BMPER: variants seen among roughly 807,000 people sequenced by gnomAD.
BMPER encodes the protein BMP-binding endothelial regulator protein.
BMPER carries 45 observed loss-of-function variants against 87.3 expected under a neutral mutation model. The ratio of observed to expected loss-of-function variants is 0.52; its 90% CI spans 0.41 to 0.66. The LOEUF (loss-of-function observed/expected upper bound fraction) is 0.66, where lower values mean the gene tolerates loss of function less well. BMPER is among the 30% of genes least tolerant of loss of function. The pLI is 0.00. For synonymous variants in BMPER, 326 were observed against 316.2 expected, an observed-to-expected ratio of 1.03 and a Z score of -0.33; for missense variants, 784 against 867.5, an observed-to-expected ratio of 0.90 and a Z score of 1.21.
At chr7:34,131,233 G>A (rs1485059113) in intron 13 of BMPER, among the ~76,000 whole-genome samples, 4 of 151,992 alleles carry the variant, frequency 2.6e-5, no homozygotes, top group Non-Finnish European at 5.9e-5. Context: ...GGTGGGGGTG[G>A]GCCTCTTGGG....
chr7:34,075,099 G>A (rs372015606), intron 11 of BMPER, among the ~76,000 whole-genome samples: 2 of 152,110 alleles, frequency 1.3e-5, no homozygotes, highest in East Asian at 3.9e-4. Context: ...CAGAAGAAAG[G>A]CATTTCATTA....
In BMPER at chr7:33,914,502, G is replaced by A. The variant is rs559746061; in HGVS notation, c.219+7599G>A. ...AAGAGACGGGGTCATGTGGGTGGGT[G>A]GGTAGTAATCAGTTTACATGTAATG... On this transcript the variant is annotated intron_variant, in intron 2 of 14. Coordinates refer to ENST00000649409, the MANE Select transcript of BMPER (RefSeq NM_001365308.1). 1.1e-4 allele frequency among the ~76,000 whole-genome samples: 17 copies of A among 152,268 alleles called. No homozygotes were observed. The South Asian group carries it at 2.7e-3, about 24-fold the overall frequency.
chr7:33,965,383 A>G (rs1785381398), intron 3 of BMPER, among the ~76,000 whole-genome samples: 3 of 151,932 alleles, frequency 2.0e-5, no homozygotes, highest in African/African-American at 7.3e-5. Context: ...GCTTGAATGT[A>G]TTAACAGGGA....
At chr7:33,986,702 ATG>A (rs368534925) in intron 6 of BMPER, among the ~76,000 whole-genome samples, 10 of 152,298 alleles carry the variant, frequency 6.6e-5, no homozygotes, top group Non-Finnish European at 1.3e-4. Context: ...AAGTCTAAGA[ATG>A]TATCATTCTG....
intron 6 of BMPER, among the ~76,000 whole-genome samples, chr7:34,029,316 G>A (rs1562698251): frequency 6.6e-6 from 1 of 152,096 alleles, no homozygotes; most frequent in Non-Finnish European, 1.5e-5. Context: ...AATGTGTTTT[G>A]TTGATATTAT....
intron 6 of BMPER, among the ~76,000 whole-genome samples, chr7:33,989,712 A>T (rs62449721): frequency 6.6e-6 from 1 of 152,230 alleles, no homozygotes; most frequent in Non-Finnish European, 1.5e-5. Context: ...CTGAATGGTA[A>T]TGCCTAGGTT....
intron 6 of BMPER, among the ~76,000 whole-genome samples, chr7:33,985,873 C>T (rs1222046616): frequency 6.6e-6 from 1 of 152,048 alleles, no homozygotes; most frequent in Non-Finnish European, 1.5e-5. Flanking sequence ...ACTGAAACTG[C>T]TTTGTGTGCC....
At chr7:34,140,765 A>T (rs966977586) in intron 13 of BMPER, among the ~76,000 whole-genome samples, 5 of 152,262 alleles carry the variant, frequency 3.3e-5, no homozygotes, top group Admixed American at 6.5e-5. Flanking sequence ...CCTTACCCGA[A>T]CAAATTACAT....
At chr7:33,984,713 A>C (rs79758214) in intron 6 of BMPER, among the ~76,000 whole-genome samples, 1 of 152,188 alleles carries the variant, frequency 6.6e-6, no homozygotes, top group Non-Finnish European at 1.5e-5. Context: ...ATTTGAGTGA[A>C]ATTTGGAATA....
chr7:34,017,290 C>T (rs937560587), intron 6 of BMPER, among the ~76,000 whole-genome samples: 2 of 151,638 alleles, frequency 1.3e-5, no homozygotes, highest in South Asian at 2.1e-4. Flanking sequence ...AAGACACACC[C>T]GAGACTGGGT....
chr7:34,018,736 G>C (rs1469723226), intron 6 of BMPER, among the ~76,000 whole-genome samples: 2 of 151,844 alleles, frequency 1.3e-5, no homozygotes, highest in Admixed American at 6.6e-5. Flanking sequence ...TGTTACAGTG[G>C]AATTTTGCCT....
Position 33,974,714 on chromosome 7 carries a change from A to T in BMPER, c.506A>T (p.Glu169Val), listed in dbSNP as rs1222966146. Residue 169 changes from glutamate (E) to valine (V), a missense_variant, in exon 6 of 15, where the codon GAG becomes GTG. Coordinates refer to ENST00000649409, the MANE Select transcript of BMPER (RefSeq NM_001365308.1). The stretch of plus-strand genomic sequence containing the variant: ...GTCTGCTTTCCAGGCTGTGTGTTTG[A>T]GGGTGTGCAGTATCAAGAAGGGGAG... ...CCPTCPGCVF[E>V]GVQYQEGEEF... 1 of 1,613,974 alleles carries T rather than the reference A, an allele frequency of 6.2e-7. No individual in the cohort carries two copies. The highest frequency in any genetic ancestry group is 8.5e-7 in the Non-Finnish European group (1 of 1,179,964).
intron 11 of BMPER, among the ~76,000 whole-genome samples, chr7:34,070,445 T>C (rs1788707783): frequency 6.6e-6 from 1 of 152,182 alleles, no homozygotes; most frequent in South Asian, 2.1e-4. Flanking sequence ...AAATAAATAC[T>C]TTCCTTGCCA....
chr7:34,129,666 A>AAGAAAGAAAGAAAGAC (rs1562762290), intron 13 of BMPER, among the ~76,000 whole-genome samples: 98 of 151,128 alleles, frequency 6.5e-4, no homozygotes, highest in African/African-American at 2.2e-3. Flanking sequence ...GAAAGAAAGA[A>AAGAAAGAAAGAAAGAC]AGAAAGAAAG....
At chr7:34,073,328 C>G (rs142904612) in intron 11 of BMPER, among the ~76,000 whole-genome samples, 1 of 152,172 alleles carries the variant, frequency 6.6e-6, no homozygotes, top group African/African-American at 2.4e-5. Context: ...ATACACAAAC[C>G]TAGGCTAAAT....
chr7:33,935,602 G>C, intron 2 of BMPER, among the ~76,000 whole-genome samples: 1 of 151,730 alleles, frequency 6.6e-6, no homozygotes, highest in Non-Finnish European at 1.5e-5. Context: ...GACAGAGAGA[G>C]AGAGAGAGAG....
At chr7:34,113,618 G>A (rs1379239870) in intron 13 of BMPER, among the ~76,000 whole-genome samples, 1 of 93,746 alleles carries the variant, frequency 1.1e-5, no homozygotes, top group Non-Finnish European at 2.3e-5. Flanking sequence ...AAAACTTTGG[G>A]CTTAATAATA....
chr7:33,962,890 T>C (rs1785307824), intron 3 of BMPER, among the ~76,000 whole-genome samples: 1 of 152,232 alleles, frequency 6.6e-6, no homozygotes, highest in Admixed American at 6.5e-5. Flanking sequence ...TCACTTACTC[T>C]TTTATTTAAT....
At chr7:34,057,974 T>G in intron 9 of BMPER, 85 bp from the exon 10 acceptor site, 1 of 1,233,718 alleles carries the variant, frequency 8.1e-7, no homozygotes, top group Non-Finnish European at 1.2e-6. Flanking sequence ...CAAGAAATGC[T>G]TTCCTCCATG....
Sources: gnomAD v4.1 joint callset for allele counts (sites outside exome capture counted in the v4.1 genomes callset) on GRCh38, gnomAD v4.1.1 for gene constraint, MANE v1.5 for transcripts, NCBI Gene and HGNC (gene_info 2026-07-23, HGNC 2026-07-21) for gene names.